Variants in MAP3K13 observed in about 807,000 individuals in gnomAD.
The protein encoded by MAP3K13 is leucine zipper-bearing kinase.
MAP3K13 carries 52 observed loss-of-function variants against 104.0 expected under a neutral mutation model. The ratio of observed to expected loss-of-function variants is 0.50; its 90% CI spans 0.40 to 0.63. MAP3K13 has a LOEUF of 0.63. Among genes scored for constraint, MAP3K13 ranks in the 20% least tolerant of loss-of-function variants. MAP3K13 has a pLI of 0.00. For synonymous variants in MAP3K13, 394 were observed against 442.2 expected (o/e 0.89, Z 1.37); for missense variants, 914 against 1,218.5 (o/e 0.75, Z 3.72).
intron 8 of MAP3K13, among the ~76,000 whole-genome samples, chr3:185,464,840 C>G (rs1366886562): frequency 6.6e-6 from 1 of 152,076 alleles, no homozygotes; most frequent in Non-Finnish European, 1.5e-5. Context: ...CTGGTGAGGG[C>G]CCATTCTTCA....
intron 2 of MAP3K13, among the ~76,000 whole-genome samples, chr3:185,310,194 G>A (rs1425813326): frequency 2.0e-5 from 3 of 152,268 alleles, no homozygotes; most frequent in Non-Finnish European, 4.4e-5. Flanking sequence ...GGTAACTACA[G>A]CAACAGGGAA....
chr3:185,426,183 C>T (rs1040061183), intron 1 of MAP3K13, among the ~76,000 whole-genome samples: 1 of 152,114 alleles, frequency 6.6e-6, no homozygotes, highest in Admixed American at 6.6e-5. Flanking sequence ...TGGGTTCGAG[C>T]AATTCTCCTG....
chr3:185,439,933 T>A (rs1470814176), intron 3 of MAP3K13, among the ~76,000 whole-genome samples: 1 of 152,146 alleles, frequency 6.6e-6, no homozygotes, highest in African/African-American at 2.4e-5. Context: ...TGCAGTGTTA[T>A]GTTTGCAGCC....
At chr3:185,455,923 A>G (rs1716706494) in intron 7 of MAP3K13, among the ~76,000 whole-genome samples, 1 of 144,518 alleles carries the variant, frequency 6.9e-6, no homozygotes, top group Admixed American at 7.1e-5. Flanking sequence ...TGAGATATAT[A>G]TGATGTATAT....
At chr3:185,283,898 CTTTTTT>C (rs1201384582) in intron 1 of MAP3K13, among the ~76,000 whole-genome samples, 1 of 127,410 alleles carries the variant, frequency 7.8e-6, no homozygotes, top group African/African-American at 3.0e-5. Context: ...TTCTTTCTTT[CTTTTTT>C]TTTTTTTTTT....
At chr3:185,364,702 T>C (rs1723789450) in intron 1 of MAP3K13, among the ~76,000 whole-genome samples, 1 of 152,198 alleles carries the variant, frequency 6.6e-6, no homozygotes, top group Non-Finnish European at 1.5e-5. Context: ...GTCAATCATT[T>C]TGTATTTCTG....
At chr3:185,389,698 G>A (rs533863159) in intron 1 of MAP3K13, among the ~76,000 whole-genome samples, 20 of 148,954 alleles carry the variant, frequency 1.3e-4, no homozygotes, top group East Asian at 1.2e-3. Flanking sequence ...TTTCAGGACC[G>A]ATAAAAAAAA....
At chr3:185,304,551 C>T (rs1721213490) in intron 2 of MAP3K13, among the ~76,000 whole-genome samples, 1 of 151,872 alleles carries the variant, frequency 6.6e-6, no homozygotes, top group African/African-American at 2.4e-5. Flanking sequence ...GTGAATTGAC[C>T]CTTTATTATA....
At chr3:185,300,835 A>G (rs1181581078) in intron 2 of MAP3K13, among the ~76,000 whole-genome samples, 1 of 152,200 alleles carries the variant, frequency 6.6e-6, no homozygotes, top group East Asian at 1.9e-4. Context: ...GTGTGAATAT[A>G]CCAAATTTTC....
intron 2 of MAP3K13, among the ~76,000 whole-genome samples, chr3:185,346,489 A>G (rs893517346): frequency 2.0e-5 from 3 of 152,196 alleles, no homozygotes; most frequent in Non-Finnish European, 2.9e-5. Context: ...ACATTTTAGT[A>G]TACAACCTGT....
chr3:185,351,036 A>T (rs993921418), intron 2 of MAP3K13, among the ~76,000 whole-genome samples: 1 of 152,246 alleles, frequency 6.6e-6, no homozygotes, highest in African/African-American at 2.4e-5. Context: ...GCCATAAAAA[A>T]GCATGAGATA....
intron 2 of MAP3K13, among the ~76,000 whole-genome samples, chr3:185,307,547 T>TCCCCCCCCCCCCCCCCCCCAC (rs1560041671): frequency 9.1e-6 from 1 of 110,230 alleles, no homozygotes; most frequent in Non-Finnish European, 1.7e-5. Context: ...CACCACCCCC[T>TCCCCCCCCCCCCCCCCCCCAC]CCCCCGCCAC....
intron 1 of MAP3K13, among the ~76,000 whole-genome samples, chr3:185,379,917 G>T (rs1724621403): frequency 1.3e-5 from 2 of 152,086 alleles, no homozygotes; most frequent in African/African-American, 4.8e-5. Context: ...CGGGTGCAGT[G>T]GCTCACGCCT....
rs376663927 is a variant in MAP3K13 at position 185,306,200 on chromosome 3, G to A, written c.-86+20557G>A. ...TCCACCATTGATGGGCACCTAGGTT[G>A]ATTTCATGTCTTTGATATTGTGAAT... On this transcript the variant is annotated intron_variant, in intron 2 of 14. Transcript: ENST00000424227. 2.6e-5 allele frequency among the ~76,000 whole-genome samples: 4 copies of A among 152,300 alleles called. No homozygotes were observed. The East Asian group carries it at 7.7e-4, about 29-fold the overall frequency.
chr3:185,291,957 G>C, intron 2 of MAP3K13: 19 of 1,095,810 alleles, frequency 1.7e-5, no homozygotes, highest in Non-Finnish European at 2.1e-5. Context: ...CATTGATAGA[G>C]AAGCATAAAT....
intron 2 of MAP3K13, among the ~76,000 whole-genome samples, chr3:185,342,985 A>C (rs1487085620): frequency 6.6e-6 from 1 of 151,530 alleles, no homozygotes; most frequent in Non-Finnish European, 1.5e-5. Context: ...AGTTTTTTTT[A>C]TTTTGTTTTT....
At chr3:185,464,811 G>A (rs1560127022) in intron 8 of MAP3K13, among the ~76,000 whole-genome samples, 1 of 152,124 alleles carries the variant, frequency 6.6e-6, no homozygotes, top group African/African-American at 2.4e-5. Context: ...CATAATCAAG[G>A]TGCCAGCAGA....
At chr3:185,386,152 C>T (rs1711673416) in intron 1 of MAP3K13, among the ~76,000 whole-genome samples, 1 of 151,922 alleles carries the variant, frequency 6.6e-6, no homozygotes, top group African/African-American at 2.4e-5. Context: ...AAAATTTTTG[C>T]AATCTATGCA....
intron 8 of MAP3K13, 140 bp downstream of exon 8, chr3:185,463,799 C>T (rs1012261977): frequency 1.9e-6 from 1 of 521,954 alleles, no homozygotes; most frequent in Non-Finnish European, 3.5e-6. Context: ...AAAAGTTGCC[C>T]CAAAAGTTAG....
Sources: allele counts gnomAD v4.1 joint callset (sites outside exome capture counted in the v4.1 genomes callset), GRCh38; gene constraint gnomAD v4.1.1; transcripts MANE v1.5; gene names NCBI Gene and HGNC (gene_info 2026-07-23, HGNC 2026-07-21).